CSF2RB: variants seen among roughly 807,000 people sequenced by gnomAD.
CSF2RB encodes colony stimulating factor 2 receptor subunit beta.
In CSF2RB, 22 loss-of-function variants were observed where a neutral mutation model predicts 67.2. The ratio of observed to expected loss-of-function variants is 0.33; its 90% CI spans 0.23 to 0.47. The LOEUF (loss-of-function observed/expected upper bound fraction) is 0.47, where lower values mean the gene tolerates loss of function less well. Ranked by LOEUF, CSF2RB falls within the 20% of genes least tolerant of loss-of-function variation. The pLI is 1.00. For synonymous variants in CSF2RB, 507 were observed against 482.9 expected, an observed-to-expected ratio of 1.05 and a Z score of -0.65; for missense variants, 1,113 against 1,174.5, an observed-to-expected ratio of 0.95 and a Z score of 0.76.
chr22:36,922,202 A>C lies in CSF2RB; in HGVS notation c.-6A>C, dbSNP rs529920670. 4 of 1,583,952 alleles carry C rather than the reference A, an allele frequency of 2.5e-6. No homozygotes were observed. The East Asian group carries it at 9.2e-5, about 36-fold the overall frequency. On this transcript the variant is annotated 5_prime_UTR_variant, in exon 2 of 14. Coordinates refer to ENST00000403662, the MANE Select transcript of CSF2RB (RefSeq NM_000395.3). The stretch of plus-strand genomic sequence containing the variant: ...GGTGCCTGCCTGTCCAGAGCTGACC[A>C]GGGAGATGGTGCTGGCCCAGGGGCT...
At position 36,940,331 on chromosome 22, in the gene CSF2RB, T is replaced by G. The variant is rs73883976; in HGVS notation, c.*1829T>G. On this transcript the variant is annotated 3_prime_UTR_variant, in exon 14 of 14. Transcript: ENST00000403662. Reference sequence around the variant, plus strand: ...GTAAAGTAGAATCCTCTGTTCATAATGAACAAGATGAACCAATGTGGATTA... The same window carrying G: ...GTAAAGTAGAATCCTCTGTTCATAAGGAACAAGATGAACCAATGTGGATTA... The G allele has an allele frequency of 6.6e-6, 1 of 152,216 alleles. No homozygotes were observed. Among genetic ancestry groups the G allele is most frequent in the Non-Finnish European group, 1.5e-5 (1 of 68,034 alleles). The allele number at this position is 152,216 out of a possible 1,614,324, so 9.4% of individuals were successfully genotyped here.
At chr22:36,932,527 GA>G (rs1941169040) in intron 8 of CSF2RB, among the ~76,000 whole-genome samples, 1 of 151,950 alleles carries the variant, frequency 6.6e-6, no homozygotes, top group South Asian at 2.1e-4. Flanking sequence ...ATAAAAATAG[GA>G]GTAGTGCAAG....
Position 36,937,402 on chromosome 22 carries a change from A to C in CSF2RB, c.1594A>C (p.Ser532Arg). The C allele has an allele frequency of 6.2e-7, 1 of 1,613,868 alleles. No individual in the cohort carries two copies. Among genetic ancestry groups the C allele is most frequent in the South Asian group, 1.1e-5 (1 of 91,070 alleles). ...GGTGTTCCCTGTAGGATTCGGGGAC[A>C]GCGAGGTGTCACCTCTCACCATAGA... The part of the protein sequence containing the change: ...EGVFPVGFGD[S>R]EVSPLTIEDP... The change falls in exon 14 of 14, where the codon AGC becomes CGC. Residue 532 changes from serine (S) to arginine (R), a missense_variant. By Grantham distance (110) the Ser-to-Arg change is moderately radical (BLOSUM62 -1). Coordinates refer to ENST00000403662, the MANE Select transcript of CSF2RB (RefSeq NM_000395.3). The surrounding 1 kb of genome is among the most constrained non-coding windows in gnomAD (Gnocchi z 4.6).
At chr22:36,918,611 T>TA (rs1420523748) in intron 1 of CSF2RB, among the ~76,000 whole-genome samples, 1 of 152,238 alleles carries the variant, frequency 6.6e-6, no homozygotes, top group African/African-American at 2.4e-5. Context: ...AAAAATATTT[T>TA]AAAAAGGAGT....
Position 36,937,526 on chromosome 22 carries a change from C to T in CSF2RB, c.1718C>T (p.Pro573Leu), listed in dbSNP as rs968344377. ...CAGCCCCCCAGCCCCCAGCCAGGCCCGCCTGCCGCCTCCCACACACCTGAG... is the reference window on the plus strand; with the variant it reads ...CAGCCCCCCAGCCCCCAGCCAGGCCTGCCTGCCGCCTCCCACACACCTGAG... The part of the protein sequence containing the change: ...TEQPPSPQPG[P>L]PAASHTPEKQ... Residue 573 changes from proline to leucine, a missense_variant, in exon 14 of 14, where the codon CCG becomes CTG. This residue lies in a region of CSF2RB where 554 missense variants were observed against 517.9 expected (regional missense o/e 1.07). Coordinates refer to ENST00000403662, the MANE Select transcript of CSF2RB (RefSeq NM_000395.3). This position sits in a 1 kb window ranked among gnomAD's most constrained non-coding sequence, Gnocchi z 4.6. The T allele has an allele frequency of 1.2e-5, 20 of 1,613,868 alleles. No homozygotes were observed. The highest frequency in any genetic ancestry group is 5.0e-5 in the Admixed American group (3 of 60,014).
Position 36,937,641 on chromosome 22 carries a change from C to G in CSF2RB, c.1833C>G (p.Pro611=). 1 of 1,558,616 alleles carries G rather than the reference C, an allele frequency of 6.4e-7. No individual in the cohort carries two copies. Among genetic ancestry groups the G allele is most frequent in the Non-Finnish European group, 8.7e-7 (1 of 1,150,852 alleles). The change falls in exon 14 of 14, where the codon CCC becomes CCG. Residue 611 remains proline (P), a synonymous_variant. Transcript: ENST00000403662. The surrounding 1 kb of genome is among the most constrained non-coding windows in gnomAD (Gnocchi z 4.6). ...SLPDILGQPE[P]PQEGGSQKSP... ...CTGACATCCTGGGCCAGCCGGAGCC[C>G]CCACAGGAGGGTGGGAGCCAGAAGT...
chr22:36,934,744 G>A (rs1405605684), intron 10 of CSF2RB, among the ~76,000 whole-genome samples: 1 of 152,220 alleles, frequency 6.6e-6, no homozygotes, highest in Non-Finnish European at 1.5e-5. Context: ...AGAGAGTAAG[G>A]ATACAGGAGA....
At chr22:36,936,701 G>A (rs1398559866) in intron 13 of CSF2RB, 49 bp downstream of exon 13, 1 of 1,500,212 alleles carries the variant, frequency 6.7e-7, no homozygotes, top group Admixed American at 1.7e-5. Context: ...CATACGGGGG[G>A]CTGACTCCAT....
In CSF2RB at chr22:36,932,716, C is replaced by T. The variant is rs776207143; in HGVS notation, c.1013-49C>T. 47 of 1,599,598 alleles carry T rather than the reference C, an allele frequency of 2.9e-5. No homozygotes were observed. The African/African-American group carries it at 3.5e-4, about 12-fold the overall frequency. On this transcript the variant is annotated intron_variant, in intron 8 of 13. Coordinates refer to ENST00000403662, the MANE Select transcript of CSF2RB (RefSeq NM_000395.3). The stretch of plus-strand genomic sequence containing the variant: ...CTAGCATGAGACACGGGGAATGTTC[C>T]GTTGGAGGGTGGGTATGATGACTCT...
In CSF2RB at chr22:36,935,649, G is replaced by A; in HGVS notation, c.1426G>A (p.Glu476Lys). ...YGYRLRRKWEEKIPNPSKSHL... is the reference protein window; with the variant it reads ...YGYRLRRKWEKKIPNPSKSHL... ...TTCCAGGCTGCGCAGAAAGTGGGAG[G>A]AGAAGATCCCCAACCCCAGCAAGAG... The change falls in exon 12 of 14, where the codon GAG becomes AAG. Residue 476 changes from glutamate to lysine, a missense_variant. Physicochemically the swap from Glu to Lys is moderately conservative, Grantham distance 56. Transcript: ENST00000403662. 1 of 1,614,204 alleles carries A rather than the reference G, an allele frequency of 6.2e-7. No individual in the cohort carries two copies. Among genetic ancestry groups the A allele is most frequent in the South Asian group, 1.1e-5 (1 of 91,084 alleles).
intron 4 of CSF2RB, 49 bp from the exon 5 acceptor site, chr22:36,929,353 G>A (rs1569135257): frequency 4.3e-6 from 7 of 1,613,428 alleles, no homozygotes; most frequent in Non-Finnish European, 5.1e-6. Flanking sequence ...GGCCCTGACT[G>A]CCCCCCAGCG....
chr22:36,916,717 G>T (rs1332415807), intron 1 of CSF2RB, among the ~76,000 whole-genome samples: 1 of 152,110 alleles, frequency 6.6e-6, no homozygotes, highest in African/African-American at 2.4e-5. Flanking sequence ...AAATTAGCCG[G>T]GTTTGGTGGT....
chr22:36,923,896 T>C (rs6000485), intron 3 of CSF2RB: 2 of 765,692 alleles, frequency 2.6e-6, no homozygotes, highest in South Asian at 1.5e-5. Context: ...GGCTCCGCGC[T>C]CTCCCAGGCC....
rs1403121181 is a variant in CSF2RB, at chr22:36,925,862, G to C, written c.201-125G>C. 1.0e-5 allele frequency: 11 copies of C among 1,071,050 alleles called. No homozygotes were observed. In the South Asian group the frequency reaches 1.1e-4, roughly 11 times the overall value. The allele number at this position is 1,071,050 out of a possible 1,614,324, so 66.3% of individuals were successfully genotyped here. On this transcript the variant is annotated intron_variant, in intron 3 of 13. Coordinates refer to ENST00000403662, the MANE Select transcript of CSF2RB (RefSeq NM_000395.3). ...TGGCAGCTCCGTGGGCAGGATTTTT[G>C]TGTGTTTTATCACTGCTGGCCCCTG...
intron 8 of CSF2RB, among the ~76,000 whole-genome samples, chr22:36,932,522 AAT>A: frequency 6.6e-6 from 1 of 152,192 alleles, no homozygotes; most frequent in South Asian, 2.1e-4. Flanking sequence ...TAAAAATAAA[AAT>A]AGGAGTAGTG....
Position 36,937,658 on chromosome 22 carries a change from G to A in CSF2RB, c.1850G>A (p.Ser617Asn), listed in dbSNP as rs745667964. ...CCGGAGCCCCCACAGGAGGGTGGGA[G>A]CCAGAAGTCCCCACCTCCAGGGTCC... ...GQPEPPQEGG[S>N]QKSPPPGSLE... The change falls in exon 14 of 14, where the codon AGC (serine) becomes AAC (asparagine). Residue 617 changes from serine (S) to asparagine (N), a missense_variant. Physicochemically the swap from Ser to Asn is conservative, Grantham distance 46. Transcript: ENST00000403662. The surrounding 1 kb of genome is among the most constrained non-coding windows in gnomAD (Gnocchi z 4.6). 1.2e-4 allele frequency: 180 copies of A among 1,555,516 alleles called. No homozygotes were observed. Among genetic ancestry groups the A allele is most frequent in the Non-Finnish European group, 1.5e-4 (168 of 1,149,206 alleles).
chr22:36,926,653 C>T (rs948878663), intron 4 of CSF2RB, among the ~76,000 whole-genome samples: 2 of 152,206 alleles, frequency 1.3e-5, no homozygotes, highest in Non-Finnish European at 2.9e-5. Flanking sequence ...GAGCTTGTCT[C>T]CTCGCTGCCC....
intron 1 of CSF2RB, among the ~76,000 whole-genome samples, chr22:36,918,513 T>C (rs1470508073): frequency 6.6e-6 from 1 of 152,236 alleles, no homozygotes; most frequent in Non-Finnish European, 1.5e-5. Context: ...AAAAGGAATC[T>C]TGGGAGTTAA....
In CSF2RB at chr22:36,939,025, G is replaced by A. The variant is rs1426266590; in HGVS notation, c.*523G>A. On this transcript the variant is annotated 3_prime_UTR_variant, in exon 14 of 14. Transcript: ENST00000403662. ...GAGGCACCAGGTGGGCACCCGTGGG[G>A]GTTAGGGCTTGGAAGAGTGGCACAG... 17 of 650,932 alleles carry A rather than the reference G, an allele frequency of 2.6e-5. No individual in the cohort carries two copies. The East Asian group carries it at 3.5e-4, about 13-fold the overall frequency. 40.3% of individuals were successfully genotyped at this position (650,932 alleles called of 1,614,324 possible). A position where few individuals can be genotyped will look rare whatever the true frequency, so the allele number is the denominator to read the frequency against.
Sources: gnomAD v4.1 joint callset for allele counts (sites outside exome capture counted in the v4.1 genomes callset) on GRCh38, gnomAD v4.1.1 for gene constraint, gnomAD v4.1.1 regional missense constraint, Gnocchi (gnomAD v3.1) non-coding constraint, MANE v1.5 for transcripts, NCBI Gene and HGNC (gene_info 2026-07-23, HGNC 2026-07-21) for gene names.